Variants in ARPP21 observed in about 807,000 individuals in gnomAD.
The protein encoded by ARPP21 is cAMP regulated phosphoprotein 21.
A neutral mutation model predicts 113.2 loss-of-function variants in ARPP21; 69 were observed. That is an observed-to-expected ratio of 0.61 (90% CI 0.50 to 0.74). The LOEUF (loss-of-function observed/expected upper bound fraction) is 0.74, where lower values mean the gene tolerates loss of function less well. ARPP21 is among the 30% of genes least tolerant of loss of function. ARPP21 has a pLI of 0.00. For missense variants in ARPP21, 1,070 were observed against 1,037.4 expected, an observed-to-expected ratio of 1.03 and a Z score of -0.43; for synonymous variants, 368 against 375.5, an observed-to-expected ratio of 0.98 and a Z score of 0.23.
At chr3:35,719,199 C>G (rs1012746460) in intron 13 of ARPP21, among the ~76,000 whole-genome samples, 6 of 151,830 alleles carry the variant, frequency 4.0e-5, no homozygotes, top group Admixed American at 1.3e-4. Context: ...GAATTCAATA[C>G]TGGACCGCAC....
intron 1 of ARPP21, among the ~76,000 whole-genome samples, chr3:35,648,075 A>G (rs1457097098): frequency 6.6e-6 from 1 of 152,180 alleles, no homozygotes; most frequent in South Asian, 2.1e-4. Context: ...TTGCTATCCC[A>G]TAATGTTTCT....
intron 15 of ARPP21, 102 bp from the exon 16 acceptor site, chr3:35,737,076 C>G (rs552370637): frequency 1.4e-6 from 1 of 705,770 alleles, no homozygotes; most frequent in Non-Finnish European, 2.5e-6. Flanking sequence ...ACTGCCCTGC[C>G]CCTTTACTTT....
chr3:35,758,170 G>A (rs984422101), intron 19 of ARPP21, among the ~76,000 whole-genome samples: 7 of 152,004 alleles, frequency 4.6e-5, no homozygotes, highest in Non-Finnish European at 8.8e-5. Context: ...ACCACTCCTT[G>A]AGCCCTAGAC....
intron 1 of ARPP21, among the ~76,000 whole-genome samples, chr3:35,663,188 T>C (rs953749255): frequency 2.0e-5 from 3 of 152,106 alleles, no homozygotes; most frequent in African/African-American, 7.2e-5. Context: ...AGAGCAGACG[T>C]ATCTAAATGC....
At chr3:35,645,450 G>T (rs1699837221) in intron 1 of ARPP21, among the ~76,000 whole-genome samples, 1 of 151,670 alleles carries the variant, frequency 6.6e-6, no homozygotes, top group Non-Finnish European at 1.5e-5. Context: ...AGAGTTTTCT[G>T]GTATATTATG....
chr3:35,735,953 T>C (rs960244649), intron 15 of ARPP21, among the ~76,000 whole-genome samples: 2 of 152,226 alleles, frequency 1.3e-5, no homozygotes, highest in African/African-American at 2.4e-5. Flanking sequence ...TTCTCATTCA[T>C]TGATTAATAA....
At chr3:35,758,507 T>TTGGA (rs1200798758) in intron 19 of ARPP21, among the ~76,000 whole-genome samples, 2 of 152,024 alleles carry the variant, frequency 1.3e-5, no homozygotes, top group African/African-American at 4.8e-5. Context: ...ACTCTTTGAG[T>TTGGA]TGGAGTCTAC....
In ARPP21 at chr3:35,709,167, G is replaced by C. The variant is rs79967213; in HGVS notation, c.897+97G>C. 3.7e-6 allele frequency: 3 copies of C among 808,292 alleles called. No individual in the cohort carries two copies. In the African/African-American group the frequency reaches 5.2e-5, roughly 14 times the overall value. The allele number at this position is 808,292 out of a possible 1,614,324, so 50.1% of individuals were successfully genotyped here. ...CAGCGAGGTGGCAGGGAATAAAAAG[G>C]CTGGAGCCAGAGAACAAATCAAACT... On this transcript the variant is annotated intron_variant, in intron 11 of 20. Coordinates refer to ENST00000684406, the MANE Select transcript of ARPP21 (RefSeq NM_001385562.1).
intron 19 of ARPP21, chr3:35,744,489 G>A: frequency 1.9e-6 from 1 of 531,068 alleles, no homozygotes; most frequent in South Asian, 1.4e-5. Flanking sequence ...GCAGTGGGAA[G>A]GGGGGCCGAT....
At chr3:35,778,766 G>A (rs1038887959) in intron 19 of ARPP21, among the ~76,000 whole-genome samples, 6 of 152,096 alleles carry the variant, frequency 3.9e-5, no homozygotes, top group African/African-American at 7.2e-5. Context: ...ACAATTCCTC[G>A]AGCTTCACTT....
At chr3:35,769,116 G>A (rs1183806113) in intron 19 of ARPP21, among the ~76,000 whole-genome samples, 2 of 152,062 alleles carry the variant, frequency 1.3e-5, no homozygotes, top group African/African-American at 2.4e-5. Context: ...GATTATATAT[G>A]CATATGATTA....
intron 15 of ARPP21, among the ~76,000 whole-genome samples, chr3:35,731,750 CTT>C (rs1030327357): frequency 6.6e-6 from 1 of 152,002 alleles, no homozygotes; most frequent in African/African-American, 2.4e-5. Flanking sequence ...TGGAACTCAT[CTT>C]TTTCTGTCAT....
intron 19 of ARPP21, among the ~76,000 whole-genome samples, chr3:35,781,075 G>T (rs558765685): frequency 1.3e-5 from 2 of 152,222 alleles, no homozygotes; most frequent in Non-Finnish European, 1.5e-5. Flanking sequence ...ACGTGGTCCT[G>T]CTATGTCATT....
intron 19 of ARPP21, among the ~76,000 whole-genome samples, chr3:35,748,299 G>GAAGA (rs200766932): frequency 0.012 from 1,455 of 116,960 alleles, 8 homozygotes; most frequent in African/African-American, 0.022. Flanking sequence ...AGGAAGGAAG[G>GAAGA]AAGAAAGAAA....
rs1357392555 is a variant in ARPP21 at position 35,794,466 on chromosome 3, A to G, written c.*508A>G. On this transcript the variant is annotated 3_prime_UTR_variant, in exon 21 of 21. Coordinates refer to ENST00000684406, the MANE Select transcript of ARPP21 (RefSeq NM_001385562.1). The stretch of plus-strand genomic sequence containing the variant: ...ATAAAACTATTTGACCTTATGGAGG[A>G]AGGTCATGTTTTTACCACCAGTTTG... The G allele has an allele frequency of 6.5e-6, 1 of 153,358 alleles. No individual in the cohort carries two copies. The highest frequency in any genetic ancestry group is 1.5e-5 in the Non-Finnish European group (1 of 68,850). 9.5% of individuals were successfully genotyped at this position (153,358 alleles called of 1,614,324 possible).
rs2093783800 is a variant in ARPP21, at chr3:35,729,388, T to G, written c.1311T>G (p.Gly437=). The G allele has an allele frequency of 6.2e-7, 1 of 1,614,016 alleles. No homozygotes were observed. The highest frequency in any genetic ancestry group is 8.5e-7 in the Non-Finnish European group (1 of 1,180,024). Residue 437 remains glycine (G), a synonymous_variant, in exon 15 of 21, where the codon GGT becomes GGG. Coordinates refer to ENST00000684406, the MANE Select transcript of ARPP21 (RefSeq NM_001385562.1). Reference sequence around the variant, plus strand: ...TCCAGAGCACACCCCTAGTCTCAGGTGTGGCAGCTGGCTCTCCAGGCTGTG... The same window carrying G: ...TCCAGAGCACACCCCTAGTCTCAGGGGTGGCAGCTGGCTCTCCAGGCTGTG... ...PPLQSTPLVS[G]VAAGSPGCVP...
In ARPP21 at chr3:35,706,979, A is replaced by C; in HGVS notation, c.692A>C (p.Glu231Ala). Residue 231 changes from glutamate to alanine, a missense_variant, in exon 10 of 21, where the codon GAG (glutamate) becomes GCG (alanine). By Grantham distance (107) the Glu-to-Ala change is moderately radical (BLOSUM62 -1). Coordinates refer to ENST00000684406, the MANE Select transcript of ARPP21 (RefSeq NM_001385562.1). ...ATGTTTTACTTTGCTGGCAGACCAG[A>C]GCAAAGGTTTTGTGAACATTTAAAA... ...INKTSSTRIP[E>A]QRFCEHLKDE... 6.2e-7 allele frequency: 1 copy of C among 1,613,406 alleles called. No individual in the cohort carries two copies. The highest frequency in any genetic ancestry group is 8.5e-7 in the Non-Finnish European group (1 of 1,179,676).
At chr3:35,753,896 TA>T (rs2095485244) in intron 19 of ARPP21, among the ~76,000 whole-genome samples, 1 of 151,692 alleles carries the variant, frequency 6.6e-6, no homozygotes, top group African/African-American at 2.4e-5. Flanking sequence ...AGCAGTTGAG[TA>T]AGGGTTGACA....
Position 35,721,702 on chromosome 3 carries a change from A to G in ARPP21, c.1093A>G (p.Thr365Ala), listed in dbSNP as rs1332168515. Residue 365 changes from threonine (T) to alanine (A), a missense_variant, in exon 14 of 21, where the codon ACA becomes GCA. Physicochemically the swap from Thr to Ala is moderately conservative, Grantham distance 58 (BLOSUM62 0). Coordinates refer to ENST00000684406, the MANE Select transcript of ARPP21 (RefSeq NM_001385562.1). ...WSDHQRAWSSTDSDSSNRNLK... is the reference protein window; with the variant it reads ...WSDHQRAWSSADSDSSNRNLK... The stretch of plus-strand genomic sequence containing the variant: ...TGACCACCAAAGGGCCTGGAGCAGC[A>G]CAGACTCCGACAGTTCCAACCGCAA... 6.2e-7 allele frequency: 1 copy of G among 1,613,964 alleles called. No homozygotes were observed.
Sources: gnomAD v4.1 joint callset for allele counts (sites outside exome capture counted in the v4.1 genomes callset) on GRCh38, gnomAD v4.1.1 for gene constraint, MANE v1.5 for transcripts, NCBI Gene and HGNC (gene_info 2026-07-23, HGNC 2026-07-21) for gene names.